Variants in EPHA3 observed in about 807,000 individuals in gnomAD.
EPHA3 encodes the protein EPH receptor A3.
In EPHA3, 42 loss-of-function variants were observed where a neutral mutation model predicts 107.1. The observed-to-expected ratio is 0.39, with a 90% CI of 0.31 to 0.51. The LOEUF is 0.51. Among genes scored for constraint, EPHA3 ranks in the 20% least tolerant of loss-of-function variants. The pLI is 0.78. For synonymous variants in EPHA3, 461 were observed against 424.8 expected (o/e 1.09, Z -1.05); for missense variants, 1,183 against 1,211.2 (o/e 0.98, Z 0.35).
rs573546098 is a variant in EPHA3, at chr3:89,381,490, C to T, written c.1307-14347C>T. Among the ~76,000 whole-genome samples, 79 of 151,560 alleles carry T rather than the reference C, an allele frequency of 5.2e-4. No individual in the cohort carries two copies. In the East Asian group the frequency reaches 0.011, roughly 22 times the overall value. The stretch of plus-strand genomic sequence containing the variant: ...TTCAAGACCAGCCTGGCCAATATGG[C>T]GAAACCCATCACTACTCAAAATACA... On this transcript the variant is annotated intron_variant, in intron 5 of 16. Transcript: ENST00000336596.
chr3:89,324,493 TTTTTTTATTTTTTTTA>T (rs1427925076), intron 3 of EPHA3, among the ~76,000 whole-genome samples: 4 of 151,522 alleles, frequency 2.6e-5, no homozygotes, highest in Non-Finnish European at 4.4e-5. Flanking sequence ...AGCTAGTTTA[TTTTTTTATTTTTTTTA>T]TTTTTTATTT....
intron 3 of EPHA3, among the ~76,000 whole-genome samples, chr3:89,274,175 C>T (rs1705748850): frequency 7.1e-6 from 1 of 140,828 alleles, no homozygotes; most frequent in Non-Finnish European, 1.5e-5. Flanking sequence ...ACAAAGTCCC[C>T]AAGTAAAAGA....
chr3:89,300,709 A>C (rs561560691), intron 3 of EPHA3, among the ~76,000 whole-genome samples: 15 of 152,108 alleles, frequency 9.9e-5, no homozygotes, highest in Non-Finnish European at 1.8e-4. Context: ...CCACAATGTC[A>C]TACGGCTCTG....
chr3:89,415,492 A>ATATATAT (rs35710348), intron 10 of EPHA3, among the ~76,000 whole-genome samples: 6 of 146,258 alleles, frequency 4.1e-5, no homozygotes, highest in African/African-American at 5.0e-5. Context: ...ATATATATAT[A>ATATATAT]AGCTAATTCT....
At chr3:89,166,936 T>A (rs1249557001) in intron 2 of EPHA3, among the ~76,000 whole-genome samples, 1 of 152,148 alleles carries the variant, frequency 6.6e-6, no homozygotes, top group East Asian at 1.9e-4. Flanking sequence ...GGTCTTTATC[T>A]GACAAGTCAC....
chr3:89,392,141 C>G (rs1708756301), intron 5 of EPHA3, among the ~76,000 whole-genome samples: 3 of 151,926 alleles, frequency 2.0e-5, no homozygotes, highest in Non-Finnish European at 4.4e-5. Flanking sequence ...GTGTAAGAGG[C>G]AGAAAATTAA....
chr3:89,313,347 C>T (rs866135491), intron 3 of EPHA3, among the ~76,000 whole-genome samples: 1 of 152,018 alleles, frequency 6.6e-6, no homozygotes, highest in Middle Eastern at 3.4e-3. Context: ...TTAAACAGTA[C>T]ATTTGGCTTT....
At chr3:89,193,765 T>A (rs972320929) in intron 2 of EPHA3, among the ~76,000 whole-genome samples, 1 of 151,952 alleles carries the variant, frequency 6.6e-6, no homozygotes, top group Non-Finnish European at 1.5e-5. Flanking sequence ...TTTAGAAAAA[T>A]TTAATTACAC....
intron 10 of EPHA3, among the ~76,000 whole-genome samples, chr3:89,418,350 A>C (rs1709287796): frequency 1.3e-5 from 2 of 151,442 alleles, no homozygotes. Flanking sequence ...GCATGGGTAC[A>C]GATAAATAAA....
intron 7 of EPHA3, among the ~76,000 whole-genome samples, chr3:89,401,370 T>C (rs1171137327): frequency 6.6e-6 from 1 of 152,174 alleles, no homozygotes; most frequent in African/African-American, 2.4e-5. Context: ...CTTCTTTTAA[T>C]CCTCACAATA....
chr3:89,365,387 G>T (rs1211637331), intron 5 of EPHA3, among the ~76,000 whole-genome samples: 1 of 150,438 alleles, frequency 6.6e-6, no homozygotes, highest in African/African-American at 2.4e-5. Flanking sequence ...TAGTCCGCTG[G>T]AGTGGACACA....
intron 15 of EPHA3, among the ~76,000 whole-genome samples, chr3:89,466,508 G>A (rs965232674): frequency 1.5e-5 from 2 of 134,132 alleles, no homozygotes; most frequent in Non-Finnish European, 3.2e-5. Context: ...GACCCTCCGA[G>A]CCAGGTGTGG....
chr3:89,442,880 A>G (rs1482979346), intron 13 of EPHA3, among the ~76,000 whole-genome samples: 1 of 152,088 alleles, frequency 6.6e-6, no homozygotes, highest in African/African-American at 2.4e-5. Flanking sequence ...TTAAAATTTC[A>G]TTTTCATTTG....
At chr3:89,372,796 T>C (rs1488775335) in intron 5 of EPHA3, among the ~76,000 whole-genome samples, 1 of 151,744 alleles carries the variant, frequency 6.6e-6, no homozygotes, top group African/African-American at 2.4e-5. Flanking sequence ...ATAAAACAAA[T>C]AGAATAACTT....
intron 3 of EPHA3, among the ~76,000 whole-genome samples, chr3:89,307,743 G>A (rs943929931): frequency 6.6e-6 from 1 of 152,068 alleles, no homozygotes. Flanking sequence ...TGCAGAGACA[G>A]GGTCTGTTCA....
intron 16 of EPHA3, among the ~76,000 whole-genome samples, 187 bp from the exon 17 acceptor site, chr3:89,479,210 A>G (rs1299210745): frequency 6.6e-6 from 1 of 152,160 alleles, no homozygotes; most frequent in Non-Finnish European, 1.5e-5. Flanking sequence ...TATTCAACCC[A>G]CTACACCATC....
intron 6 of EPHA3, among the ~76,000 whole-genome samples, chr3:89,396,743 T>C (rs2107505165): frequency 6.6e-6 from 1 of 152,320 alleles, no homozygotes; most frequent in African/African-American, 2.4e-5. Context: ...TATTTGTGTA[T>C]CTACTTCAGT....
chr3:89,209,818 C>A, intron 2 of EPHA3, 42 bp from the exon 3 acceptor site: 3 of 1,504,106 alleles, frequency 2.0e-6, no homozygotes, highest in Non-Finnish European at 2.7e-6. Context: ...TCGTTATTAT[C>A]ATTAATTCTG....
intron 16 of EPHA3, among the ~76,000 whole-genome samples, chr3:89,473,462 ATAAAT>A (rs1453784183): frequency 6.6e-6 from 1 of 152,194 alleles, no homozygotes; most frequent in Admixed American, 6.5e-5. Context: ...TTGGGAATTG[ATAAAT>A]TAAGAGTTGG....
Sources: allele counts gnomAD v4.1 joint callset (sites outside exome capture counted in the v4.1 genomes callset), GRCh38; gene constraint gnomAD v4.1.1; transcripts MANE v1.5; gene names NCBI Gene and HGNC (gene_info 2026-07-23, HGNC 2026-07-21).